ABCA13: variants seen among roughly 807,000 people sequenced by gnomAD.
ABCA13 encodes ATP-binding cassette sub-family A member 13.
In ABCA13, 476 loss-of-function variants were observed where a neutral mutation model predicts 478.7. That is an observed-to-expected ratio of 0.99 (90% CI 0.92 to 1.07). The LOEUF (loss-of-function observed/expected upper bound fraction) is 1.07, where lower values mean the gene tolerates loss of function less well. Ranked by LOEUF, ABCA13 falls within the 50% of genes least tolerant of loss-of-function variation. ABCA13 has a pLI of 0.00. For missense variants in ABCA13, 6,060 were observed against 5,910.6 expected, an observed-to-expected ratio of 1.03 and a Z score of -0.83; for synonymous variants, 2,252 against 2,158.9, an observed-to-expected ratio of 1.04 and a Z score of -1.20.
chr7:48,185,253 G>T (rs1209555944), intron 1 of ABCA13, among the ~76,000 whole-genome samples: 1 of 152,104 alleles, frequency 6.6e-6, no homozygotes, highest in Non-Finnish European at 1.5e-5. Context: ...CTGTTGCTAG[G>T]CTCTTCCACA....
intron 5 of ABCA13, among the ~76,000 whole-genome samples, chr7:48,224,780 TAAA>T (rs1232513114): frequency 6.6e-6 from 1 of 152,192 alleles, no homozygotes; most frequent in Admixed American, 6.5e-5. Context: ...CTCCCTGATT[TAAA>T]AAAGTCAGCG....
chr7:48,359,601 T>G (rs1290155430), intron 31 of ABCA13, among the ~76,000 whole-genome samples: 1 of 151,894 alleles, frequency 6.6e-6, no homozygotes, highest in Non-Finnish European at 1.5e-5. Context: ...GGACTGGTCC[T>G]GGGCAGTAGT....
At chr7:48,613,191 C>A (rs758942000) in intron 58 of ABCA13, among the ~76,000 whole-genome samples, 1 of 150,858 alleles carries the variant, frequency 6.6e-6, no homozygotes, top group African/African-American at 2.4e-5. Flanking sequence ...GAATTTTTTT[C>A]TTTCTTTTTT....
At chr7:48,487,250 C>G (rs1179863366) in intron 47 of ABCA13, among the ~76,000 whole-genome samples, 1 of 150,634 alleles carries the variant, frequency 6.6e-6, no homozygotes, top group Non-Finnish European at 1.5e-5. Context: ...GCAGATGTTG[C>G]AGTGAGCTGA....
intron 6 of ABCA13, among the ~76,000 whole-genome samples, chr7:48,227,827 G>A (rs1269197465): frequency 1.3e-5 from 2 of 152,174 alleles, no homozygotes; most frequent in South Asian, 2.1e-4. Context: ...AGATAGGCTT[G>A]AATATAATAA....
chr7:48,362,305 G>T (rs536274374), intron 31 of ABCA13, among the ~76,000 whole-genome samples: 1 of 151,168 alleles, frequency 6.6e-6, no homozygotes, highest in South Asian at 2.1e-4. Flanking sequence ...GCATTACTAT[G>T]AATAATTGTG....
intron 55 of ABCA13, among the ~76,000 whole-genome samples, chr7:48,569,735 G>A (rs536683781): frequency 6.6e-6 from 1 of 152,244 alleles, no homozygotes; most frequent in African/African-American, 2.4e-5. Context: ...ATATCGGGCA[G>A]GCTGGTCTTG....
intron 28 of ABCA13, among the ~76,000 whole-genome samples, chr7:48,336,071 T>G (rs1173660910): frequency 1.3e-5 from 2 of 152,184 alleles, no homozygotes; most frequent in African/African-American, 2.4e-5. Context: ...GTTTAGTTTT[T>G]TTATTAACTT....
chr7:48,483,172 A>AT lies in ABCA13; in HGVS notation c.13182+16dup, dbSNP rs59521533. On this transcript the variant is annotated intron_variant, in intron 47 of 61. Coordinates refer to ENST00000435803, the MANE Select transcript of ABCA13 (RefSeq NM_152701.5). ...CCCCAACTCTGGCAAAGGTAATCAT[A>AT]TTTTTTTATTTTTTTCCTGTTTTAG... 149,758 of 1,597,040 alleles carry AT rather than the reference A, an allele frequency of 0.094. 9,156 individuals are homozygous for AT. The highest frequency in any genetic ancestry group is 0.28 in the African/African-American group (20,661 of 74,264).
In ABCA13 at chr7:48,560,465, A is replaced by C. The variant is rs576135372; in HGVS notation, c.14355-19759A>C. Among the ~76,000 whole-genome samples the C allele has an allele frequency of 9.2e-5, 14 of 152,326 alleles. 1 individual carries two copies. The Middle Eastern group carries it at 0.01, about 111-fold the overall frequency. On this transcript the variant is annotated intron_variant, in intron 55 of 61. Transcript: ENST00000435803. ...CCTCTTCAGTGCCTCTTTTAGTGAT[A>C]TGAAGTTAAAACCAGGTACTGTAAT...
At chr7:48,399,582 G>C (rs547445120) in intron 38 of ABCA13, among the ~76,000 whole-genome samples, 143 of 152,340 alleles carry the variant, frequency 9.4e-4, no homozygotes, top group African/African-American at 3.3e-3. Context: ...GGTCTAGGAT[G>C]TAACTTGGTT....
intron 55 of ABCA13, among the ~76,000 whole-genome samples, chr7:48,543,494 G>A (rs1181028986): frequency 6.6e-6 from 1 of 151,334 alleles, no homozygotes; most frequent in African/African-American, 2.4e-5. Flanking sequence ...CATGGTGGTG[G>A]GCACCTGTAA....
intron 59 of ABCA13, among the ~76,000 whole-genome samples, chr7:48,637,204 G>T (rs893279341): frequency 6.6e-6 from 1 of 151,790 alleles, no homozygotes; most frequent in African/African-American, 2.4e-5. Context: ...TCTTTGCACA[G>T]ATGGTGGCTG....
At chr7:48,212,710 G>A (rs1785852997) in intron 3 of ABCA13, among the ~76,000 whole-genome samples, 1 of 151,934 alleles carries the variant, frequency 6.6e-6, no homozygotes, top group Admixed American at 6.6e-5. Context: ...CTTTTTATGT[G>A]TTTATTGGCC....
At chr7:48,410,356 C>G (rs1474047474) in intron 39 of ABCA13, among the ~76,000 whole-genome samples, 164 bp from the exon 40 acceptor site, 2 of 152,014 alleles carry the variant, frequency 1.3e-5, no homozygotes, top group Non-Finnish European at 1.5e-5. Context: ...GTTTCAGGGC[C>G]TCGAATTGGC....
intron 19 of ABCA13, 125 bp downstream of exon 19, chr7:48,281,577 G>T: frequency 1.2e-6 from 1 of 842,980 alleles, no homozygotes; most frequent in Non-Finnish European, 1.8e-6. Context: ...GTCTTAGTCT[G>T]GCAACCAGGC....
At chr7:48,455,989 G>C (rs1454820144) in intron 43 of ABCA13, among the ~76,000 whole-genome samples, 1 of 152,138 alleles carries the variant, frequency 6.6e-6, no homozygotes, top group African/African-American at 2.4e-5. Context: ...GAGAATCTGT[G>C]CAGAGTCAGG....
intron 5 of ABCA13, among the ~76,000 whole-genome samples, chr7:48,222,892 G>T (rs1325417558): frequency 6.6e-6 from 1 of 152,088 alleles, no homozygotes; most frequent in Non-Finnish European, 1.5e-5. Context: ...GAGACCGACG[G>T]TAGCCAGAGC....
intron 48 of ABCA13, among the ~76,000 whole-genome samples, chr7:48,490,356 G>A (rs1198623109): frequency 1.3e-5 from 2 of 152,154 alleles, no homozygotes; most frequent in Non-Finnish European, 2.9e-5. Context: ...AATTTTGTAA[G>A]ATAGACAATA....
Sources: gnomAD v4.1 joint callset for allele counts (sites outside exome capture counted in the v4.1 genomes callset) on GRCh38, gnomAD v4.1.1 for gene constraint, MANE v1.5 for transcripts, NCBI Gene and HGNC (gene_info 2026-07-23, HGNC 2026-07-21) for gene names.